The following ALG6 variants were observed in gnomAD, a reference collection of about 807,000 sequenced individuals.
ALG6 encodes dolichyl pyrophosphate Man9GlcNAc2 alpha-1,3-glucosyltransferase.
Under a neutral mutation model 66.6 loss-of-function variants are expected in ALG6, and 46 were observed. That is an observed-to-expected ratio of 0.69 (90% confidence interval 0.55 to 0.88). ALG6 has a LOEUF of 0.88. Among genes scored for constraint, ALG6 ranks in the 40% least tolerant of loss-of-function variants. ALG6 has a pLI of 0.00. For synonymous variants in ALG6, 185 were observed against 203.7 expected (o/e 0.91, Z 0.78); for missense variants, 505 against 586.8 (o/e 0.86, Z 1.44).
intron 2 of ALG6, 94 bp from the exon 3 acceptor site, chr1:63,396,419 T>G (rs1648828010): frequency 8.5e-6 from 9 of 1,053,858 alleles, no homozygotes; most frequent in Non-Finnish European, 1.3e-5. Context: ...TAACCTACAC[T>G]GCCTCTCTAA....
At chr1:63,432,124 G>A (rs1421048520) in intron 14 of ALG6, among the ~76,000 whole-genome samples, 1 of 152,156 alleles carries the variant, frequency 6.6e-6, no homozygotes, top group African/African-American at 2.4e-5. Context: ...TAACTATGAT[G>A]TTAACTGTGG....
intron 3 of ALG6, 74 bp downstream of exon 3, chr1:63,396,671 C>A: frequency 7.7e-7 from 1 of 1,299,868 alleles, no homozygotes; most frequent in Non-Finnish European, 1.1e-6. Flanking sequence ...AAAGGGACAA[C>A]ACGCTATTTT....
intron 2 of ALG6, among the ~76,000 whole-genome samples, chr1:63,376,378 T>A (rs1648128753): frequency 6.6e-6 from 1 of 152,254 alleles, no homozygotes; most frequent in African/African-American, 2.4e-5. Context: ...TACATAGCCG[T>A]ATTTTTCAAA....
intron 2 of ALG6, among the ~76,000 whole-genome samples, chr1:63,382,593 C>T (rs1431386798): frequency 1.3e-5 from 2 of 151,476 alleles, no homozygotes; most frequent in African/African-American, 4.9e-5. Flanking sequence ...CCTGCCTCAG[C>T]CTCCTGAGTA....
Position 63,425,838 on chromosome 1 carries a change from G to C in ALG6, c.1059-2895G>C, listed in dbSNP as rs552350831. Among the ~76,000 whole-genome samples, 3 of 152,218 alleles carry C rather than the reference G, an allele frequency of 2.0e-5. No homozygotes were observed. The East Asian group carries it at 5.8e-4, about 29-fold the overall frequency. ...CCTTAGAATTTAAGGTAGGTAAAAA[G>C]GGAAAAGGCCATCGAAGCGATGAGG... On this transcript the variant is annotated intron_variant, in intron 12 of 14. Transcript: ENST00000263440.
chr1:63,380,532 A>G (rs1648268770), intron 2 of ALG6, among the ~76,000 whole-genome samples: 1 of 152,164 alleles, frequency 6.6e-6, no homozygotes, highest in South Asian at 2.1e-4. Flanking sequence ...TTTAGTTTGC[A>G]ATCTTTTTTC....
intron 2 of ALG6, among the ~76,000 whole-genome samples, chr1:63,383,935 G>T (rs934071094): frequency 6.6e-6 from 1 of 152,150 alleles, no homozygotes; most frequent in African/African-American, 2.4e-5. Context: ...GTCTTTCTGT[G>T]CCTGGCTTGT....
intron 2 of ALG6, among the ~76,000 whole-genome samples, chr1:63,376,323 CATT>C (rs1371457615): frequency 1.3e-5 from 2 of 152,106 alleles, no homozygotes; most frequent in Admixed American, 6.5e-5. Flanking sequence ...ATGGGACCAT[CATT>C]GTTTATACAG....
At chr1:63,431,408 A>G (rs1306570927) in intron 14 of ALG6, among the ~76,000 whole-genome samples, 1 of 152,128 alleles carries the variant, frequency 6.6e-6, no homozygotes, top group East Asian at 1.9e-4. Context: ...CTGCATATCA[A>G]TTTGTGGAAT....
At chr1:63,377,300 A>G (rs971069967) in intron 2 of ALG6, among the ~76,000 whole-genome samples, 2 of 152,178 alleles carry the variant, frequency 1.3e-5, no homozygotes, top group Admixed American at 1.3e-4. Context: ...GTTTGTTTAC[A>G]GTAATGCTTT....
Position 63,429,201 on chromosome 1 carries a change from TC to T in ALG6, c.1326+76del, listed in dbSNP as rs757218731. ...TAAAAAATTATTGAAGTAGTGATTT[TC>T]TTTTATACCTTTTTGAGATATAATT... On this transcript the variant is annotated intron_variant, in intron 14 of 14. Transcript: ENST00000263440. 1,224 of 1,075,880 alleles carry T rather than the reference TC, an allele frequency of 1.1e-3. 2 individuals carry two copies. The highest frequency in any genetic ancestry group is 1.5e-3 in the Non-Finnish European group (1,091 of 727,238). The allele number at this position is 1,075,880 out of a possible 1,614,324, so 66.6% of individuals were successfully genotyped here.
In ALG6 at chr1:63,371,037, A is replaced by C. The variant is rs1263563063; in HGVS notation, c.60A>C (p.Thr20=). ...TAATAGGACTAACAGTACGATGGAC[A>C]GTGTCTCTTAATTCTTATTCAGGTA... The part of the protein sequence containing the change: ...VVLIGLTVRW[T]VSLNSYSGAG... The change falls in exon 2 of 15, where the codon ACA becomes ACC. Residue 20 remains threonine (T), a synonymous_variant. Transcript: ENST00000263440. The C allele has an allele frequency of 3.1e-6, 5 of 1,608,700 alleles. No individual in the cohort carries two copies. The highest frequency in any genetic ancestry group is 1.3e-5 in the African/African-American group (1 of 74,914).
At chr1:63,396,824 C>T (rs987814998) in intron 3 of ALG6, among the ~76,000 whole-genome samples, 1 of 152,076 alleles carries the variant, frequency 6.6e-6, no homozygotes, top group Non-Finnish European at 1.5e-5. Context: ...TGAACTAGAA[C>T]GTTGATGATA....
At chr1:63,369,056 A>T (rs1186252537) in intron 1 of ALG6, among the ~76,000 whole-genome samples, 1 of 152,012 alleles carries the variant, frequency 6.6e-6, no homozygotes, top group Admixed American at 6.5e-5. Flanking sequence ...TGAACCTTTC[A>T]TGGAACCATA....
rs541119727 is a variant in ALG6, at chr1:63,418,808, T to C, written c.988-562T>C. Among the ~76,000 whole-genome samples the C allele has an allele frequency of 3.9e-5, 6 of 152,284 alleles. No individual in the cohort carries two copies. The South Asian group carries it at 1.2e-3, about 32-fold the overall frequency. On this transcript the variant is annotated intron_variant, in intron 11 of 14. Transcript: ENST00000263440. ...GCTGTAGATAGCATTTGCTGATGGG[T>C]TAGATGTGTAGCATGGATAAGATTC... is the stretch of plus-strand genomic sequence containing the variant.
chr1:63,399,596 A>C (rs1557586928), intron 3 of ALG6, among the ~76,000 whole-genome samples: 1 of 152,040 alleles, frequency 6.6e-6, no homozygotes, highest in Non-Finnish European at 1.5e-5. Flanking sequence ...GTCTTATAAA[A>C]CTTTCTACAT....
At chr1:63,402,118 G>A in intron 3 of ALG6, 136 bp from the exon 4 acceptor site, 1 of 688,716 alleles carries the variant, frequency 1.5e-6, no homozygotes, top group Non-Finnish European at 2.6e-6. Flanking sequence ...TATTGACATG[G>A]CTTAATTATT....
chr1:63,406,993 A>G, intron 6 of ALG6, 69 bp from the exon 7 acceptor site: 1 of 1,238,820 alleles, frequency 8.1e-7, no homozygotes, highest in East Asian at 2.3e-5. Context: ...TTAGATAAAA[A>G]CCACACTTTT....
At position 63,422,237 on chromosome 1, in the gene ALG6, A is replaced by C. The variant is rs867252392; in HGVS notation, c.1058+2797A>C. 8.0e-3 allele frequency among the ~76,000 whole-genome samples: 508 copies of C among 63,886 alleles called. 29 individuals carry two copies. The highest frequency in any genetic ancestry group is 0.037 in the African/African-American group (477 of 12,870). The allele number at this position is 63,886 out of a possible 152,430, so 41.9% of individuals were successfully genotyped here. ...TATATATTTATATAAATATAAATATATATATAAATATATATATTTATATAG... is the reference window on the plus strand; with the variant it reads ...TATATATTTATATAAATATAAATATCTATATAAATATATATATTTATATAG... On this transcript the variant is annotated intron_variant, in intron 12 of 14. Transcript: ENST00000263440.
Sources: gnomAD v4.1 joint callset for allele counts (sites outside exome capture counted in the v4.1 genomes callset) on GRCh38, gnomAD v4.1.1 for gene constraint, MANE v1.5 for transcripts, NCBI Gene and HGNC (gene_info 2026-07-23, HGNC 2026-07-21) for gene names.